CNTNAP2: variants seen among roughly 807,000 people sequenced by gnomAD.
The protein encoded by CNTNAP2 is contactin associated protein 2.
A neutral mutation model predicts 155.2 loss-of-function variants in CNTNAP2; 98 were observed. The observed-to-expected ratio is 0.63, with a 90% CI of 0.54 to 0.75. The LOEUF (loss-of-function observed/expected upper bound fraction) is 0.75. Among genes scored for constraint, CNTNAP2 ranks in the 30% least tolerant of loss-of-function variants. The probability of loss-of-function intolerance (pLI) is 0.00; values close to 1 mark genes in which losing one functional copy is unlikely to be tolerated. For synonymous variants in CNTNAP2, 651 were observed against 631.2 expected, an observed-to-expected ratio of 1.03 and a Z score of -0.47; for missense variants, 1,727 against 1,688.1, an observed-to-expected ratio of 1.02 and a Z score of -0.40.
chr7:146,256,430 G>T (rs1037296899), intron 1 of CNTNAP2, among the ~76,000 whole-genome samples: 2 of 151,972 alleles, frequency 1.3e-5, no homozygotes, highest in Admixed American at 1.3e-4. Context: ...GTTTTCTTTA[G>T]AATATTTTAT....
chr7:147,241,628 A>C (rs1368571924), intron 8 of CNTNAP2, among the ~76,000 whole-genome samples: 1 of 149,262 alleles, frequency 6.7e-6, no homozygotes, highest in Non-Finnish European at 1.5e-5. Context: ...ACTCCGTCTC[A>C]AAAAAAGGAA....
intron 17 of CNTNAP2, among the ~76,000 whole-genome samples, chr7:148,153,019 T>TAAAA (rs1805331433): frequency 5.9e-5 from 1 of 17,000 alleles, no homozygotes; most frequent in Non-Finnish European, 9.0e-5. Flanking sequence ...AGACTCCGTC[T>TAAAA]CAAAAAAAAA....
intron 13 of CNTNAP2, among the ~76,000 whole-genome samples, chr7:147,795,372 C>T (rs187787461): frequency 6.6e-6 from 1 of 151,906 alleles, no homozygotes; most frequent in African/African-American, 2.4e-5. Context: ...CTTATATTTG[C>T]CATTTTACTT....
At chr7:147,578,896 A>C (rs889541131) in intron 12 of CNTNAP2, among the ~76,000 whole-genome samples, 1 of 152,128 alleles carries the variant, frequency 6.6e-6, no homozygotes, top group Non-Finnish European at 1.5e-5. Context: ...AAGTTTATGA[A>C]CTTTAAATCA....
chr7:146,742,382 T>C (rs1801734219), intron 1 of CNTNAP2, among the ~76,000 whole-genome samples: 2 of 152,114 alleles, frequency 1.3e-5, no homozygotes, highest in African/African-American at 4.8e-5. Flanking sequence ...CACGGAAGAA[T>C]AGGCAAGATT....
At chr7:146,814,107 C>T (rs968400353) in intron 2 of CNTNAP2, among the ~76,000 whole-genome samples, 2 of 152,114 alleles carry the variant, frequency 1.3e-5, no homozygotes, top group African/African-American at 2.4e-5. Context: ...TAAGAACTGA[C>T]TAACACAACT....
At chr7:146,674,998 A>G (rs1800372835) in intron 1 of CNTNAP2, among the ~76,000 whole-genome samples, 1 of 152,154 alleles carries the variant, frequency 6.6e-6, no homozygotes, top group South Asian at 2.1e-4. Flanking sequence ...CTTCAGCTTA[A>G]AATACTCCTT....
chr7:147,753,981 G>A (rs947355761), intron 13 of CNTNAP2, among the ~76,000 whole-genome samples: 11 of 152,026 alleles, frequency 7.2e-5, no homozygotes, highest in African/African-American at 1.9e-4. Context: ...AGCTGTGTCC[G>A]TTGTCTGAAA....
chr7:148,085,323 T>C (rs752941571), intron 15 of CNTNAP2, among the ~76,000 whole-genome samples: 11 of 152,206 alleles, frequency 7.2e-5, no homozygotes, highest in Non-Finnish European at 1.5e-4. Flanking sequence ...TTCTTAAGGA[T>C]TGAGCTTCAA....
chr7:146,259,088 C>T (rs190936924), intron 1 of CNTNAP2, among the ~76,000 whole-genome samples: 315 of 152,228 alleles, frequency 2.1e-3, no homozygotes, highest in African/African-American at 6.4e-3. Flanking sequence ...TTCCCCTGCA[C>T]GCTGTCTCTC....
intron 4 of CNTNAP2, among the ~76,000 whole-genome samples, chr7:147,085,323 C>T (rs1800251601): frequency 6.6e-6 from 1 of 152,158 alleles, no homozygotes; most frequent in Non-Finnish European, 1.5e-5. Flanking sequence ...CCGGCCACAG[C>T]ATCAGAAGGT....
intron 9 of CNTNAP2, among the ~76,000 whole-genome samples, chr7:147,381,561 G>C (rs184275876): frequency 6.1e-4 from 93 of 152,160 alleles, no homozygotes; most frequent in African/African-American, 2.2e-3. Flanking sequence ...TCATGAAAAA[G>C]ACTATGTAAA....
At chr7:147,788,489 C>A (rs905858298) in intron 13 of CNTNAP2, among the ~76,000 whole-genome samples, 1 of 152,168 alleles carries the variant, frequency 6.6e-6, no homozygotes, top group African/African-American at 2.4e-5. Flanking sequence ...CACACAGAGA[C>A]CATACTTCAG....
intron 15 of CNTNAP2, among the ~76,000 whole-genome samples, chr7:148,076,313 C>T (rs1175119599): frequency 1.3e-5 from 2 of 150,356 alleles, no homozygotes; most frequent in African/African-American, 4.9e-5. Context: ...TGCTGCTGAA[C>T]ACCTCCAATG....
intron 11 of CNTNAP2, among the ~76,000 whole-genome samples, chr7:147,503,309 T>C (rs571808292): frequency 6.6e-6 from 1 of 152,300 alleles, no homozygotes; most frequent in South Asian, 2.1e-4. Flanking sequence ...AGAATCTTTC[T>C]CTCCTTTCTC....
At chr7:146,144,368 T>C (rs1426337284) in intron 1 of CNTNAP2, among the ~76,000 whole-genome samples, 1 of 152,100 alleles carries the variant, frequency 6.6e-6, no homozygotes, top group Non-Finnish European at 1.5e-5. Flanking sequence ...CCCAGGCTGC[T>C]CTTGAACTCC....
intron 1 of CNTNAP2, among the ~76,000 whole-genome samples, chr7:146,579,489 C>T (rs1798577443): frequency 6.6e-6 from 1 of 152,000 alleles, no homozygotes; most frequent in Non-Finnish European, 1.5e-5. Context: ...GAGAAGTTAA[C>T]GTTATGGTCA....
At chr7:146,123,798 CTTAAAA>C (rs1439420501) in intron 1 of CNTNAP2, among the ~76,000 whole-genome samples, 1 of 152,054 alleles carries the variant, frequency 6.6e-6, no homozygotes, top group African/African-American at 2.4e-5. Flanking sequence ...AGAAAATTGT[CTTAAAA>C]TTAAAGGTGC....
intron 11 of CNTNAP2, among the ~76,000 whole-genome samples, chr7:147,534,705 A>G (rs1228970444): frequency 6.6e-6 from 1 of 152,190 alleles, no homozygotes; most frequent in Non-Finnish European, 1.5e-5. Context: ...AGGAATCAAA[A>G]TTTCAATGGG....
Sources: gnomAD v4.1 joint callset for allele counts (sites outside exome capture counted in the v4.1 genomes callset) on GRCh38, gnomAD v4.1.1 for gene constraint, MANE v1.5 for transcripts, NCBI Gene and HGNC (gene_info 2026-07-23, HGNC 2026-07-21) for gene names.